Variants in KPNA7 observed in about 807,000 individuals in gnomAD.
KPNA7 encodes importin subunit alpha-8.
A neutral mutation model predicts 53.7 loss-of-function variants in KPNA7; 54 were observed. The ratio of observed to expected loss-of-function variants is 1.01; its 90% CI spans 0.81 to 1.26. KPNA7 has a LOEUF of 1.26. Ranked by LOEUF, KPNA7 falls within the 50% of genes most tolerant of loss-of-function variation. The pLI, the probability that KPNA7 is intolerant of heterozygous loss-of-function variation, is 0.00. For missense variants in KPNA7, 640 were observed against 644.5 expected (o/e 0.99, Z 0.07); for synonymous variants, 276 against 259.3 (o/e 1.06, Z -0.62).
At chr7:99,164,726 A>G in the KPNA7 span, among the ~76,000 whole-genome samples, 1,787 of 152,288 alleles carry the variant, frequency 0.012, 34 homozygotes, top group African/African-American at 0.041. Flanking sequence ...CACTGGAAAC[A>G]TCCACAGCAG....
At chr7:99,151,283 T>C in the KPNA7 span, among the ~76,000 whole-genome samples, 836 of 152,246 alleles carry the variant, frequency 5.5e-3, 2 homozygotes, top group Non-Finnish European at 8.7e-3. Flanking sequence ...AACCTAGTCC[T>C]ACCTAGGACT....
Position 99,187,797 on chromosome 7 carries a change from TTTAAAAAAAA to T in KPNA7, c.900+493_900+502del, listed in dbSNP as rs1789683526. ...TGAGCCACCGTGCCCGGCCTTTTTTTTTAAAAAAAAAAAAAAAAAAAAAAAAAAAAAAAAA... is the reference window on the plus strand; with the variant it reads ...TGAGCCACCGTGCCCGGCCTTTTTTTAAAAAAAAAAAAAAAAAAAAAAAAA... On this transcript the variant is annotated intron_variant, in intron 7 of 10. Transcript: ENST00000327442. Among the ~76,000 whole-genome samples, 17 of 79,972 alleles carry T rather than the reference TTTAAAAAAAA, an allele frequency of 2.1e-4. 1 individual carries two copies. Among genetic ancestry groups the T allele is most frequent in the Admixed American group, 9.3e-4 (6 of 6,460 alleles). The allele number at this position is 79,972 out of a possible 152,430, so 52.5% of individuals were successfully genotyped here.
the KPNA7 span, among the ~76,000 whole-genome samples, chr7:99,149,075 T>C: frequency 6.6e-6 from 1 of 151,952 alleles, no homozygotes; most frequent in Non-Finnish European, 1.5e-5. Context: ...TTTGTATTTT[T>C]AGTAGTTAGT....
chr7:99,182,844 G>GTC (rs1789339564), intron 8 of KPNA7, among the ~76,000 whole-genome samples: 2 of 152,288 alleles, frequency 1.3e-5, no homozygotes, highest in South Asian at 4.1e-4. Context: ...AGTGGCCTAT[G>GTC]TCTGCATTTC....
At chr7:99,188,648 A>G in intron 6 of KPNA7, 85 bp from the exon 7 acceptor site, 5 of 1,319,804 alleles carry the variant, frequency 3.8e-6, no homozygotes, top group Non-Finnish European at 5.3e-6. Context: ...TCCAATCAAT[A>G]CCATAGATCA....
At chr7:99,165,433 G>A in the KPNA7 span, among the ~76,000 whole-genome samples, 1 of 152,090 alleles carries the variant, frequency 6.6e-6, no homozygotes, top group Non-Finnish European at 1.5e-5. Context: ...GGATGGCACA[G>A]CCCCTCGAGG....
chr7:99,155,997 G>A, the KPNA7 span, among the ~76,000 whole-genome samples: 6 of 152,018 alleles, frequency 3.9e-5, no homozygotes, highest in African/African-American at 1.4e-4. Context: ...CCTGGAGCTC[G>A]CTGCCTGTCT....
At chr7:99,172,008 T>C (rs561262927), downstream of KPNA7, among the ~76,000 whole-genome samples, 1 of 152,212 alleles carries the variant, frequency 6.6e-6, no homozygotes, top group East Asian at 1.9e-4. Flanking sequence ...GCTGTAAGAA[T>C]TTGATATGAG....
chr7:99,177,789 T>A lies in KPNA7; in HGVS notation c.1464+131A>T, dbSNP rs1000637132. 2.5e-5 allele frequency: 20 copies of A among 815,600 alleles called. No homozygotes were observed. In the African/African-American group the frequency reaches 3.1e-4, roughly 13 times the overall value. 50.5% of individuals were successfully genotyped at this position (815,600 alleles called of 1,614,324 possible). On this transcript the variant is annotated intron_variant, in intron 10 of 10. Coordinates refer to ENST00000327442, the MANE Select transcript of KPNA7 (RefSeq NM_001145715.3). The stretch of plus-strand genomic sequence containing the variant: ...GGCGAGACACATTAACTTCAGAGGA[T>A]GTGGCAGGAGTGAAGACCACCTGCC...
At chr7:99,197,391 T>C (rs983241338) in intron 3 of KPNA7, among the ~76,000 whole-genome samples, 5 of 152,028 alleles carry the variant, frequency 3.3e-5, no homozygotes, top group African/African-American at 1.2e-4. Context: ...ATTTCTAGAG[T>C]TGTCACACTA....
rs866270454 is a variant in KPNA7 at position 99,193,670 on chromosome 7, A to T, written c.554-569T>A. The stretch of plus-strand genomic sequence containing the variant: ...GCACTTTTTCCTCCTGCAGCCTTTT[A>T]TTTTTTTTTTTTGGCGGGGGAGGGG... On this transcript the variant is annotated intron_variant, in intron 5 of 10. Transcript: ENST00000327442. Among the ~76,000 whole-genome samples, 556 of 144,598 alleles carry T rather than the reference A, an allele frequency of 3.8e-3. 2 individuals are homozygous for T. The highest frequency in any genetic ancestry group is 0.013 in the African/African-American group (517 of 39,530). The allele number at this position is 144,598 out of a possible 152,430, so 94.9% of individuals were successfully genotyped here.
intron 10 of KPNA7, among the ~76,000 whole-genome samples, chr7:99,175,302 C>T (rs542563902): frequency 4.6e-5 from 7 of 151,768 alleles, no homozygotes; most frequent in Non-Finnish European, 7.4e-5. Context: ...TGTAGCCTCC[C>T]GAGTAACTGG....
In KPNA7 at chr7:99,199,066, A is replaced by G. The variant is rs7786791; in HGVS notation, c.202-2900T>C. Among the ~76,000 whole-genome samples the G allele has an allele frequency of 2.5e-4, 13 of 52,144 alleles. No homozygotes were observed. The South Asian group carries it at 6.2e-3, about 25-fold the overall frequency. The allele number at this position is 52,144 out of a possible 152,430, so 34.2% of individuals were successfully genotyped here. A position where few individuals can be genotyped will look rare whatever the true frequency, so the allele number is the denominator to read the frequency against. On this transcript the variant is annotated intron_variant, in intron 3 of 10. Transcript: ENST00000327442. ...TCCAAGAGTTATATGCTGCAAACTG[A>G]AAAAAAAAAAAAAAAAAAAAAAGGA...
chr7:99,187,784 C>A (rs1789676771), intron 7 of KPNA7, among the ~76,000 whole-genome samples: 1 of 129,958 alleles, frequency 7.7e-6, no homozygotes, highest in Non-Finnish European at 1.6e-5. Context: ...AGCCACCGTG[C>A]CCGGCCTTTT....
chr7:99,188,718 C>G (rs1789771902), intron 6 of KPNA7, among the ~76,000 whole-genome samples, 155 bp from the exon 7 acceptor site: 2 of 152,182 alleles, frequency 1.3e-5, no homozygotes, highest in Non-Finnish European at 2.9e-5. Flanking sequence ...TGCTCTGTCA[C>G]CCAGGCTGGA....
In KPNA7 at chr7:99,188,262, C is replaced by T. The variant is rs116113870; in HGVS notation, c.900+38G>A. 1.3e-3 allele frequency: 1,924 copies of T among 1,539,006 alleles called. 21 individuals are homozygous for T. The African/African-American group carries it at 0.022, about 18-fold the overall frequency. ...AGAACCTGCTAAAGTGACTATGACCCGAGGACTCGAATCCACAGGGCCCAG... is the reference window on the plus strand; with the variant it reads ...AGAACCTGCTAAAGTGACTATGACCTGAGGACTCGAATCCACAGGGCCCAG... On this transcript the variant is annotated intron_variant, in intron 7 of 10. Coordinates refer to ENST00000327442, the MANE Select transcript of KPNA7 (RefSeq NM_001145715.3).
At chr7:99,170,122 CAATG>C (rs1158815341), downstream of KPNA7, among the ~76,000 whole-genome samples, 2 of 152,134 alleles carry the variant, frequency 1.3e-5, no homozygotes, top group Non-Finnish European at 2.9e-5. Context: ...AGATATCCAC[CAATG>C]ACAGGCCCCG....
downstream of KPNA7, among the ~76,000 whole-genome samples, chr7:99,172,188 C>T (rs1374385719): frequency 6.6e-6 from 1 of 152,182 alleles, no homozygotes; most frequent in East Asian, 1.9e-4. Context: ...GCTATCTCTT[C>T]TGTAAATTCG....
At chr7:99,178,388 G>C (rs1313972610) in intron 9 of KPNA7, among the ~76,000 whole-genome samples, 1 of 152,032 alleles carries the variant, frequency 6.6e-6, no homozygotes, top group Non-Finnish European at 1.5e-5. Context: ...GGCCAACATG[G>C]TGAAACCTCG....
Sources: gnomAD v4.1 joint callset for allele counts (sites outside exome capture counted in the v4.1 genomes callset) on GRCh38, gnomAD v4.1.1 for gene constraint, MANE v1.5 for transcripts, NCBI Gene and HGNC (gene_info 2026-07-23, HGNC 2026-07-21) for gene names.